Variants in FRMPD4 observed in about 807,000 individuals in gnomAD.
FRMPD4 encodes the protein FERM and PDZ domain containing 4, also known as FERM and PDZ domain-containing protein 4.
Under a neutral mutation model 94.1 loss-of-function variants are expected in FRMPD4, and 22 were observed. The observed-to-expected ratio is 0.23, with a 90% CI of 0.17 to 0.33. The LOEUF (loss-of-function observed/expected upper bound fraction) is 0.33. Among genes scored for constraint, FRMPD4 ranks in the 10% least tolerant of loss-of-function variants. FRMPD4 has a pLI of 1.00. For missense variants in FRMPD4, 1,111 were observed against 1,339.9 expected (o/e 0.83, Z 2.67); for synonymous variants, 631 against 548.6 (o/e 1.15, Z -2.10).
chrX:11,987,918 C>T (rs936971713), intron 3 of FRMPD4, among the ~76,000 whole-genome samples: 1 of 111,018 alleles, frequency 9.0e-6, no homozygotes, highest in African/African-American at 3.3e-5. Context: ...CTATAAGACA[C>T]TGATTTGAAA....
At chrX:12,167,227 T>C (rs1323499471) in intron 1 of FRMPD4, among the ~76,000 whole-genome samples, 1 of 112,103 alleles carries the variant, frequency 8.9e-6, no homozygotes, top group Non-Finnish European at 1.9e-5. Context: ...GCTTTAAATG[T>C]GTCCCAGAGA....
At chrX:12,012,045 C>T (rs903644245) in intron 3 of FRMPD4, among the ~76,000 whole-genome samples, 8 of 109,919 alleles carry the variant, frequency 7.3e-5, no homozygotes, top group Non-Finnish European at 7.6e-5. Flanking sequence ...GGACTACAGG[C>T]GCACACCACC....
At chrX:12,560,635 T>A (rs187459485) in intron 2 of FRMPD4, among the ~76,000 whole-genome samples, 1,840 of 110,086 alleles carry the variant, frequency 0.017, 43 homozygotes, top group African/African-American at 0.058. Context: ...TGAATCTTTA[T>A]AAATTTGGCA....
At chrX:11,956,119 G>A (rs2054255921) in intron 3 of FRMPD4, among the ~76,000 whole-genome samples, 1 of 111,737 alleles carries the variant, frequency 8.9e-6, no homozygotes, top group African/African-American at 3.3e-5. Context: ...TTTGACACAA[G>A]CAGACAGTCA....
At chrX:12,503,283 G>A (rs917520070) in intron 2 of FRMPD4, among the ~76,000 whole-genome samples, 1 of 111,529 alleles carries the variant, frequency 9.0e-6, no homozygotes, top group Non-Finnish European at 1.9e-5. Context: ...AATTTAAGAG[G>A]CTTTTTCTTG....
chrX:12,513,807 C>T (rs2058068695), intron 2 of FRMPD4, among the ~76,000 whole-genome samples: 2 of 111,720 alleles, frequency 1.8e-5, no homozygotes, highest in Non-Finnish European at 3.8e-5. Flanking sequence ...TTACTTCGGG[C>T]AGTATGGCCA....
chrX:12,044,731 G>A (rs936488935), intron 3 of FRMPD4, among the ~76,000 whole-genome samples: 3 of 111,761 alleles, frequency 2.7e-5, no homozygotes, highest in African/African-American at 9.7e-5. Context: ...GTGCAGGTCC[G>A]ACTATTTTAT....
intron 4 of FRMPD4, among the ~76,000 whole-genome samples, chrX:12,642,535 G>A (rs1390971989): frequency 1.8e-5 from 2 of 112,855 alleles, no homozygotes; most frequent in Non-Finnish European, 3.7e-5. Flanking sequence ...GTCTTCTAGA[G>A]TAGCAGTTGG....
At chrX:12,358,950 A>T (rs2055938274) in intron 1 of FRMPD4, among the ~76,000 whole-genome samples, 3 of 112,149 alleles carry the variant, frequency 2.7e-5, no homozygotes, top group Admixed American at 1.9e-4. Context: ...TAACCGCAAC[A>T]ACAGTGTAAA....
At chrX:12,342,856 T>C (rs182424594) in intron 1 of FRMPD4, among the ~76,000 whole-genome samples, 12 of 112,362 alleles carry the variant, frequency 1.1e-4, no homozygotes, top group Non-Finnish European at 1.5e-4. Context: ...TGATGTGTCA[T>C]ATAACCATTC....
rs1344797342 is a variant in FRMPD4 at position 12,543,617 on chromosome X, G to C, written c.158+44821G>C. On this transcript the variant is annotated intron_variant, in intron 2 of 16. Transcript: ENST00000675598. Reference sequence around the variant, plus strand: ...TGCTGGAGAGGATGTAGAGAAATAGGAACACTTTTACACTGTTGGTGGGAC... The same window carrying C: ...TGCTGGAGAGGATGTAGAGAAATAGCAACACTTTTACACTGTTGGTGGGAC... Among the ~76,000 whole-genome samples the C allele has an allele frequency of 1.8e-4, 20 of 111,990 alleles. No homozygotes were observed. The Admixed American group carries it at 1.8e-3, about 10-fold the overall frequency.
chrX:12,505,292 C>T (rs190459693), intron 2 of FRMPD4, among the ~76,000 whole-genome samples: 1 of 111,959 alleles, frequency 8.9e-6, no homozygotes, highest in East Asian at 2.8e-4. Context: ...AAGGCTGGGG[C>T]ACAGGCAGAA....
At chrX:11,902,776 T>C (rs932386944) in intron 3 of FRMPD4, among the ~76,000 whole-genome samples, 2 of 111,325 alleles carry the variant, frequency 1.8e-5, no homozygotes, top group Admixed American at 9.6e-5. Context: ...GGGGGCCTCT[T>C]ACCTCCATTT....
At chrX:12,685,923 A>ATTT (rs1435791983) in intron 6 of FRMPD4, among the ~76,000 whole-genome samples, 174 bp from the exon 7 acceptor site, 5 of 112,140 alleles carry the variant, frequency 4.5e-5, no homozygotes, top group Non-Finnish European at 9.4e-5. Context: ...GAGCAAATGT[A>ATTT]TTTTTCTATG....
rs1369675200 is a variant in FRMPD4, at chrX:12,159,083, A to G, written c.41+20071A>G. Among the ~76,000 whole-genome samples, 4 of 112,561 alleles carry G rather than the reference A, an allele frequency of 3.6e-5. No individual in the cohort carries two copies. The East Asian group carries it at 1.1e-3, about 31-fold the overall frequency. On this transcript the variant is annotated intron_variant, in intron 1 of 16. Coordinates refer to ENST00000675598, the MANE Select transcript of FRMPD4 (RefSeq NM_001368397.1). ...CCCATTTGATTTAACAAGTTAAGGT[A>G]AAGCTGCTGTACCAAAACCACTCCA...
chrX:12,478,731 T>C (rs189807663), intron 1 of FRMPD4, among the ~76,000 whole-genome samples: 13 of 112,656 alleles, frequency 1.2e-4, no homozygotes, highest in Non-Finnish European at 1.9e-4. Context: ...GCTGGCTACA[T>C]TGGCTTAATA....
chrX:12,699,890 G>A (rs187918390), intron 9 of FRMPD4, among the ~76,000 whole-genome samples: 21 of 110,943 alleles, frequency 1.9e-4, no homozygotes, highest in East Asian at 8.4e-4. Context: ...TAATGCTAAC[G>A]GACTGAATGA....
intron 1 of FRMPD4, among the ~76,000 whole-genome samples, chrX:12,496,579 C>T (rs996801617): frequency 1.8e-5 from 2 of 112,251 alleles, no homozygotes; most frequent in African/African-American, 6.5e-5. Context: ...GAGCCAAATC[C>T]CTCTGCAATT....
chrX:12,111,094 A>C (rs1351223979), intron 3 of FRMPD4, among the ~76,000 whole-genome samples: 2 of 111,819 alleles, frequency 1.8e-5, no homozygotes, highest in African/African-American at 6.5e-5. Context: ...GGAACCAAAA[A>C]AGGGCCCGCA....
Sources: allele counts gnomAD v4.1 joint callset (sites outside exome capture counted in the v4.1 genomes callset), GRCh38; gene constraint gnomAD v4.1.1; transcripts MANE v1.5; gene names NCBI Gene and HGNC (gene_info 2026-07-23, HGNC 2026-07-21).